Variants in ANKRD18B observed in about 807,000 individuals in gnomAD.
ANKRD18B encodes the protein ankyrin repeat domain-containing protein 18B.
ANKRD18B carries 75 observed loss-of-function variants against 111.8 expected under a neutral mutation model. That is an observed-to-expected ratio of 0.67 (90% CI 0.56 to 0.81). ANKRD18B has a LOEUF of 0.81. Among genes scored for constraint, ANKRD18B ranks in the 40% least tolerant of loss-of-function variants. The pLI is 0.00. For synonymous variants in ANKRD18B, 356 were observed against 417.3 expected (o/e 0.85, Z 1.79); for missense variants, 1,038 against 1,225.5 (o/e 0.85, Z 2.28).
At chr9:33,545,901 A>T (rs1317285735) in intron 10 of ANKRD18B, among the ~76,000 whole-genome samples, 1 of 152,172 alleles carries the variant, frequency 6.6e-6, no homozygotes, top group Non-Finnish European at 1.5e-5. Context: ...ATGTGTAATT[A>T]TGTGTCAAAG....
chr9:33,546,780 AT>A (rs1461741486), intron 10 of ANKRD18B, among the ~76,000 whole-genome samples: 1 of 152,076 alleles, frequency 6.6e-6, no homozygotes, highest in Non-Finnish European at 1.5e-5. Context: ...GTTACTTAAT[AT>A]TTCTTGGTTT....
chr9:33,532,023 A>C (rs1653492850), intron 3 of ANKRD18B, among the ~76,000 whole-genome samples: 1 of 152,144 alleles, frequency 6.6e-6, no homozygotes, highest in African/African-American at 2.4e-5. Flanking sequence ...TCACGAGGTC[A>C]GGAGATGGAG....
chr9:33,555,566 A>G lies in ANKRD18B; in HGVS notation c.2218-142A>G, dbSNP rs551452161. On this transcript the variant is annotated intron_variant, in intron 12 of 18. Transcript: ENST00000684830. ...AGAAAATGACTAGTTTTGAAATCTC[A>G]TTATTGGCATCAGGTTTGTAAAATG... 3.2e-5 allele frequency: 17 copies of G among 525,514 alleles called. No homozygotes were observed. The East Asian group carries it at 5.0e-4, about 15-fold the overall frequency. 32.6% of individuals were successfully genotyped at this position (525,514 alleles called of 1,614,324 possible). A position where few individuals can be genotyped will look rare whatever the true frequency, so the allele number is the denominator to read the frequency against.
intron 1 of ANKRD18B, among the ~76,000 whole-genome samples, chr9:33,526,055 G>T (rs1828020800): frequency 6.6e-6 from 1 of 152,214 alleles, no homozygotes; most frequent in South Asian, 2.1e-4. Flanking sequence ...TCTCCTAAGA[G>T]AATTTAAGTT....
intron 17 of ANKRD18B, among the ~76,000 whole-genome samples, chr9:33,569,680 A>G (rs1298979458): frequency 1.3e-5 from 2 of 152,218 alleles, no homozygotes; most frequent in Non-Finnish European, 2.9e-5. Flanking sequence ...AGAACCCAAA[A>G]TAAGTGCATT....
intron 3 of ANKRD18B, 131 bp downstream of exon 3, chr9:33,529,304 T>C: frequency 7.5e-7 from 1 of 1,328,516 alleles, no homozygotes; most frequent in Admixed American, 3.0e-5. Context: ...TGTCTAAAAT[T>C]TTACTTTAAA....
At chr9:33,528,580 G>C (rs146073829) in intron 1 of ANKRD18B, 147 bp from the exon 2 acceptor site, 70,976 of 602,636 alleles carry the variant, frequency 0.12, 5,049 homozygotes, top group Middle Eastern at 0.17. Flanking sequence ...AGCAGTAAGA[G>C]CTAATAAATA....
At chr9:33,564,994 C>A (rs908331256) in intron 14 of ANKRD18B, among the ~76,000 whole-genome samples, 3 of 152,096 alleles carry the variant, frequency 2.0e-5, no homozygotes, top group African/African-American at 7.2e-5. Flanking sequence ...TGTTTTCTTC[C>A]ATTCTACAGG....
At chr9:33,532,779 G>A (rs969577733) in intron 3 of ANKRD18B, among the ~76,000 whole-genome samples, 1 of 152,076 alleles carries the variant, frequency 6.6e-6, no homozygotes, top group African/African-American at 2.4e-5. Flanking sequence ...ACTTGTATTG[G>A]GAAGCTCTGG....
chr9:33,573,108 C>A (rs1828807856), downstream of ANKRD18B: 5 of 1,188,814 alleles, frequency 4.2e-6, no homozygotes, highest in Non-Finnish European at 5.4e-6. Context: ...ACTCTGTCAG[C>A]ACTTTTTTAC....
chr9:33,566,081 G>C (rs1243059362), intron 14 of ANKRD18B, 138 bp from the exon 15 acceptor site: 3 of 735,652 alleles, frequency 4.1e-6, no homozygotes, highest in Non-Finnish European at 4.3e-6. Flanking sequence ...GTAATTTAAG[G>C]GTTCACATTT....
chr9:33,564,704 T>C (rs1046573330), intron 14 of ANKRD18B, among the ~76,000 whole-genome samples: 10 of 151,822 alleles, frequency 6.6e-5, no homozygotes, highest in African/African-American at 2.4e-4. Flanking sequence ...TCACCAGCAC[T>C]TTTTTTTGTG....
intron 13 of ANKRD18B, among the ~76,000 whole-genome samples, chr9:33,556,081 A>G (rs1016953237): frequency 3.9e-5 from 6 of 152,202 alleles, no homozygotes; most frequent in Non-Finnish European, 5.9e-5. Context: ...GATGAAAAAT[A>G]GATCTCTGGA....
chr9:33,560,976 G>T (rs1189002044), intron 14 of ANKRD18B, among the ~76,000 whole-genome samples: 3 of 151,984 alleles, frequency 2.0e-5, no homozygotes, highest in Admixed American at 1.3e-4. Context: ...AAAAAATATA[G>T]TAATAATGCT....
At chr9:33,528,437 A>T (rs1828058060) in intron 1 of ANKRD18B, among the ~76,000 whole-genome samples, 1 of 152,188 alleles carries the variant, frequency 6.6e-6, no homozygotes, top group African/African-American at 2.4e-5. Context: ...TTAATGAGGA[A>T]ATTCAGGCAC....
chr9:33,530,560 G>A (rs1184833309), intron 3 of ANKRD18B, among the ~76,000 whole-genome samples: 3 of 144,500 alleles, frequency 2.1e-5, no homozygotes, highest in Non-Finnish European at 4.5e-5. Context: ...CTCAGTGTTC[G>A]AATACACTCC....
intron 14 of ANKRD18B, among the ~76,000 whole-genome samples, chr9:33,563,274 A>T (rs1269400709): frequency 6.6e-6 from 1 of 152,144 alleles, no homozygotes; most frequent in Non-Finnish European, 1.5e-5. Context: ...AAAAACATTT[A>T]TTTTGTTCAT....
At chr9:33,539,556 T>C (rs1288669321) in intron 7 of ANKRD18B, 54 bp downstream of exon 7, 2 of 153,624 alleles carry the variant, frequency 1.3e-5, no homozygotes, top group Admixed American at 1.3e-4. Context: ...AATTTACTAG[T>C]GCAAAAAAAA....
At chr9:33,532,546 T>C (rs1828132900) in intron 3 of ANKRD18B, among the ~76,000 whole-genome samples, 2 of 152,236 alleles carry the variant, frequency 1.3e-5, no homozygotes, top group South Asian at 2.1e-4. Flanking sequence ...CAGAATATAC[T>C]GAGCTTTCTA....
Sources: gnomAD v4.1 joint callset for allele counts (sites outside exome capture counted in the v4.1 genomes callset) on GRCh38, gnomAD v4.1.1 for gene constraint, MANE v1.5 for transcripts, NCBI Gene and HGNC (gene_info 2026-07-23, HGNC 2026-07-21) for gene names.